CARMIL1: variants seen among roughly 807,000 people sequenced by gnomAD.
CARMIL1 encodes capping protein regulator and myosin 1 linker 1.
CARMIL1 carries 90 observed loss-of-function variants against 177.1 expected under a neutral mutation model. The observed-to-expected ratio is 0.51, with a 90% CI of 0.43 to 0.61. The LOEUF (loss-of-function observed/expected upper bound fraction) is 0.61. CARMIL1 is among the 20% of genes least tolerant of loss of function. CARMIL1 has a pLI of 0.00. For missense variants in CARMIL1, 1,380 were observed against 1,667.0 expected (o/e 0.83, Z 3.00); for synonymous variants, 577 against 606.2 (o/e 0.95, Z 0.71).
At chr6:25,292,325 A>G (rs1782037226) in intron 2 of CARMIL1, among the ~76,000 whole-genome samples, 1 of 152,350 alleles carries the variant, frequency 6.6e-6, no homozygotes, top group African/African-American at 2.4e-5. Context: ...GAGCTTTAGA[A>G]AACAGCAATA....
chr6:25,319,672 A>G (rs76767979), intron 2 of CARMIL1, among the ~76,000 whole-genome samples: 8,654 of 151,482 alleles, frequency 0.057, 359 homozygotes, highest in Non-Finnish European at 0.095. Flanking sequence ...GGAGTAGATG[A>G]CTCCTAGAAG....
At chr6:25,364,024 C>G (rs1015048353) in intron 2 of CARMIL1, among the ~76,000 whole-genome samples, 5 of 152,082 alleles carry the variant, frequency 3.3e-5, no homozygotes, top group African/African-American at 1.2e-4. Context: ...TCAGCACAGC[C>G]TTGACCTCCT....
At chr6:25,495,066 T>C (rs749718129) in intron 15 of CARMIL1, 45 bp from the exon 16 acceptor site, 3 of 1,059,712 alleles carry the variant, frequency 2.8e-6, no homozygotes, top group Non-Finnish European at 1.5e-6. Context: ...ATGAATATGT[T>C]TGATGAAGGT....
intron 2 of CARMIL1, among the ~76,000 whole-genome samples, chr6:25,394,235 G>A (rs1049609801): frequency 8.5e-5 from 13 of 152,146 alleles, no homozygotes; most frequent in African/African-American, 1.7e-4. Flanking sequence ...TCATCTTCTT[G>A]GCAGTGATAG....
intron 2 of CARMIL1, among the ~76,000 whole-genome samples, chr6:25,296,939 C>CTATCTATCCT (rs79382581): frequency 0.01 from 1,305 of 126,220 alleles, 22 homozygotes; most frequent in African/African-American, 0.033. Flanking sequence ...CTATCTTTAA[C>CTATCTATCCT]TAACTAACTA....
At chr6:25,286,346 A>G (rs1019882236) in intron 2 of CARMIL1, among the ~76,000 whole-genome samples, 1 of 152,210 alleles carries the variant, frequency 6.6e-6, no homozygotes, top group East Asian at 1.9e-4. Context: ...TTCTGTTTCT[A>G]TGTTGTCTAT....
At chr6:25,537,719 A>C in intron 24 of CARMIL1, 136 bp from the exon 25 acceptor site, 1 of 944,008 alleles carries the variant, frequency 1.1e-6, no homozygotes, top group Non-Finnish European at 1.5e-6. Flanking sequence ...CTCCAGTTAG[A>C]AGGGTTTGAG....
chr6:25,390,794 G>T lies in CARMIL1; in HGVS notation c.139-29320G>T, dbSNP rs142918640. ...TCACCTCTGCCTCCTGGGTTCAAGT[G>T]ATTCTCCTGCCTCAGCCTTCCCAGT... On this transcript the variant is annotated intron_variant, in intron 2 of 36. Transcript: ENST00000329474. Among the ~76,000 whole-genome samples, 502 of 152,290 alleles carry T rather than the reference G, an allele frequency of 3.3e-3. 2 individuals carry two copies. The highest frequency in any genetic ancestry group is 0.011 in the African/African-American group (442 of 41,568).
intron 2 of CARMIL1, among the ~76,000 whole-genome samples, chr6:25,354,138 A>T (rs1487064602): frequency 6.6e-6 from 1 of 152,080 alleles, no homozygotes; most frequent in Non-Finnish European, 1.5e-5. Flanking sequence ...GGTCAATTAA[A>T]TATAAGTGGA....
intron 2 of CARMIL1, among the ~76,000 whole-genome samples, chr6:25,289,452 G>C (rs1399879425): frequency 6.6e-6 from 1 of 152,120 alleles, no homozygotes; most frequent in Non-Finnish European, 1.5e-5. Flanking sequence ...AATTCAGAGA[G>C]GTTATCTTAT....
intron 9 of CARMIL1, among the ~76,000 whole-genome samples, chr6:25,467,260 G>T (rs1800686919): frequency 6.6e-6 from 1 of 152,174 alleles, no homozygotes; most frequent in Non-Finnish European, 1.5e-5. Flanking sequence ...GGAGACCTAA[G>T]AATAGAAGTC....
intron 2 of CARMIL1, among the ~76,000 whole-genome samples, chr6:25,416,131 A>C (rs1356584191): frequency 6.6e-6 from 1 of 152,184 alleles, no homozygotes; most frequent in East Asian, 1.9e-4. Flanking sequence ...AAGAGACAGA[A>C]GGAGACACGC....
chr6:25,381,991 G>A (rs974133658), intron 2 of CARMIL1, among the ~76,000 whole-genome samples: 2 of 152,018 alleles, frequency 1.3e-5, no homozygotes, highest in Admixed American at 1.3e-4. Flanking sequence ...ACTCAAGTAT[G>A]ATTGAAAATG....
intron 2 of CARMIL1, among the ~76,000 whole-genome samples, chr6:25,389,339 TA>T (rs1792507942): frequency 6.6e-6 from 1 of 151,108 alleles, no homozygotes; most frequent in Non-Finnish European, 1.5e-5. Flanking sequence ...CTTTTAGTCA[TA>T]TTGTATTGTT....
chr6:25,290,787 A>AC (rs879931159), intron 2 of CARMIL1, among the ~76,000 whole-genome samples: 11 of 150,546 alleles, frequency 7.3e-5, no homozygotes, highest in African/African-American at 2.2e-4. Flanking sequence ...TCTGAAATCC[A>AC]CCCCCCCGGC....
intron 5 of CARMIL1, among the ~76,000 whole-genome samples, chr6:25,448,017 C>T (rs764862842): frequency 6.6e-6 from 1 of 152,160 alleles, no homozygotes; most frequent in African/African-American, 2.4e-5. Context: ...CTGCTGAGGG[C>T]TGCAGGAGGA....
chr6:25,329,425 G>GT (rs1398345166), intron 2 of CARMIL1, among the ~76,000 whole-genome samples: 2 of 152,118 alleles, frequency 1.3e-5, no homozygotes, highest in African/African-American at 2.4e-5. Flanking sequence ...CAAGGCTGTC[G>GT]TTTTTTCCAC....
intron 2 of CARMIL1, among the ~76,000 whole-genome samples, chr6:25,385,125 A>G (rs752184680): frequency 1.3e-5 from 2 of 152,240 alleles, no homozygotes; most frequent in Non-Finnish European, 2.9e-5. Context: ...GTGCAGCTAT[A>G]AAGTTATGTA....
chr6:25,283,485 A>G lies in CARMIL1; in HGVS notation c.41-1327A>G, dbSNP rs936468719. Among the ~76,000 whole-genome samples the G allele has an allele frequency of 1.2e-4, 19 of 152,206 alleles. 1 individual carries two copies. The highest frequency in any genetic ancestry group is 1.2e-3 in the Admixed American group (19 of 15,276). On this transcript the variant is annotated intron_variant, in intron 1 of 36. Transcript: ENST00000329474. ...TTGGACATAAGCATTTTCCAGCAAC[A>G]TTAGTGTCCAGAGTAGGAGATAATG... is the stretch of plus-strand genomic sequence containing the variant.
Sources: gnomAD v4.1 joint callset for allele counts (sites outside exome capture counted in the v4.1 genomes callset) on GRCh38, gnomAD v4.1.1 for gene constraint, MANE v1.5 for transcripts, NCBI Gene and HGNC (gene_info 2026-07-23, HGNC 2026-07-21) for gene names.